RHOBTB1: variants seen among roughly 807,000 people sequenced by gnomAD.
RHOBTB1 encodes the protein rho-related BTB domain-containing protein 1.
In RHOBTB1, 40 loss-of-function variants were observed where a neutral mutation model predicts 71.6. The ratio of observed to expected loss-of-function variants is 0.56; its 90% CI spans 0.43 to 0.73. The LOEUF is 0.73. Ranked by LOEUF, RHOBTB1 falls within the 30% of genes least tolerant of loss-of-function variation. RHOBTB1 has a pLI of 0.00. For missense variants in RHOBTB1, 797 were observed against 894.0 expected (o/e 0.89, Z 1.38); for synonymous variants, 319 against 334.9 (o/e 0.95, Z 0.52).
rs2081122170 is a variant in RHOBTB1, at chr10:60,877,977, C to T, written c.1657G>A (p.Asp553Asn). The T allele has an allele frequency of 1.2e-6, 2 of 1,613,908 alleles. No homozygotes were observed. The highest frequency in any genetic ancestry group is 8.5e-7 in the Non-Finnish European group (1 of 1,179,952). Reference protein sequence around the residue: ...LYTKQLSPNLDLDPLELIALA... With the variant: ...LYTKQLSPNLNLDPLELIALA... ...GCAATTAATTCCAGCGGGTCCAGAT[C>T]CAAGTTAGGAGACAACTGCTTGGTA... Residue 553 changes from aspartate (D) to asparagine (N), a missense_variant, in exon 8 of 11, where the codon GAT (aspartate) becomes AAT (asparagine). By Grantham distance (23) the Asp-to-Asn change is conservative. Around this residue, in one of 2 missense-constraint regions of RHOBTB1, gnomAD observed 658 missense variants for 681.5 expected, o/e 0.97. Coordinates refer to ENST00000337910, the MANE Select transcript of RHOBTB1 (RefSeq NM_014836.5).
chr10:60,911,507 A>C lies in RHOBTB1; in HGVS notation c.36T>G (p.Val12=). The part of the protein sequence containing the change: ...DADMDYERPN[V]ETIKCVVVGD... ...CCACGACCACACATTTGATAGTTTC[A>C]ACGTTGGGTCTTTCGTAGTCCATGT... Residue 12 remains valine (V), a synonymous_variant, in exon 3 of 11, where the codon GTT becomes GTG. Coordinates refer to ENST00000337910, the MANE Select transcript of RHOBTB1 (RefSeq NM_014836.5). 2 of 1,614,178 alleles carry C rather than the reference A, an allele frequency of 1.2e-6. No homozygotes were observed. Among genetic ancestry groups the C allele is most frequent in the Non-Finnish European group, 1.7e-6 (2 of 1,180,036 alleles).
At chr10:60,922,830 C>A (rs1263064192) in intron 2 of RHOBTB1, among the ~76,000 whole-genome samples, 1 of 152,140 alleles carries the variant, frequency 6.6e-6, no homozygotes, top group African/African-American at 2.4e-5. Context: ...TCAACCAGAC[C>A]CTTTCAGTTT....
At chr10:60,960,768 C>A (rs2085752235) in intron 2 of RHOBTB1, among the ~76,000 whole-genome samples, 1 of 152,172 alleles carries the variant, frequency 6.6e-6, no homozygotes, top group Admixed American at 6.5e-5. Context: ...ATGGCCTGCA[C>A]CCTTTGATGT....
intron 2 of RHOBTB1, among the ~76,000 whole-genome samples, chr10:60,967,210 A>T (rs964516419): frequency 3.4e-5 from 5 of 148,474 alleles, no homozygotes; most frequent in African/African-American, 1.2e-4. Context: ...TAAAAAGGAA[A>T]ATTCTCAAAT....
At chr10:60,912,289 A>C (rs1018535522) in intron 2 of RHOBTB1, among the ~76,000 whole-genome samples, 3 of 152,088 alleles carry the variant, frequency 2.0e-5, no homozygotes, top group Non-Finnish European at 4.4e-5. Context: ...GCACAAGCAC[A>C]GTGGTGCAAT....
chr10:60,934,557 C>A (rs2084457838), intron 2 of RHOBTB1, among the ~76,000 whole-genome samples: 1 of 152,180 alleles, frequency 6.6e-6, no homozygotes, highest in South Asian at 2.1e-4. Flanking sequence ...TGGTCTACTT[C>A]AAATAAATAG....
At chr10:60,922,944 T>G (rs1589313270) in intron 2 of RHOBTB1, among the ~76,000 whole-genome samples, 1 of 152,266 alleles carries the variant, frequency 6.6e-6, no homozygotes, top group East Asian at 1.9e-4. Flanking sequence ...ACTTCCATGG[T>G]CACATTCCTC....
At chr10:60,929,066 C>A (rs1464996402) in intron 2 of RHOBTB1, among the ~76,000 whole-genome samples, 1 of 152,068 alleles carries the variant, frequency 6.6e-6, no homozygotes, top group Non-Finnish European at 1.5e-5. Context: ...ACAATCAGAT[C>A]TCCTGAGAAC....
At chr10:60,863,460 G>A in the RHOBTB1 span, among the ~76,000 whole-genome samples, 1 of 151,822 alleles carries the variant, frequency 6.6e-6, no homozygotes, top group African/African-American at 2.4e-5. Flanking sequence ...CCATCAAATA[G>A]TCTAGGTTGT....
intron 9 of RHOBTB1, 56 bp downstream of exon 9, chr10:60,874,898 G>A (rs570665800): frequency 8.6e-6 from 10 of 1,164,478 alleles, no homozygotes; most frequent in African/African-American, 6.0e-5. Context: ...TGTTTTATCA[G>A]CATTAAATGA....
chr10:60,978,049 T>C (rs543301289), intron 2 of RHOBTB1, among the ~76,000 whole-genome samples: 3 of 152,266 alleles, frequency 2.0e-5, no homozygotes, highest in African/African-American at 7.2e-5. Flanking sequence ...GAAAAATGTA[T>C]AAAATTATTG....
chr10:60,960,207 A>T (rs904678973), intron 2 of RHOBTB1, among the ~76,000 whole-genome samples: 8 of 152,210 alleles, frequency 5.3e-5, no homozygotes, highest in Admixed American at 4.6e-4. Context: ...TGTGCAAAAA[A>T]CTATGATGAC....
intron 4 of RHOBTB1, among the ~76,000 whole-genome samples, chr10:60,910,417 C>A (rs187769751): frequency 3.2e-4 from 48 of 152,156 alleles, no homozygotes; most frequent in African/African-American, 1.1e-3. Context: ...TAAAAATGAC[C>A]TTCTAATAAA....
chr10:60,984,628 C>G (rs1171995879), intron 2 of RHOBTB1, among the ~76,000 whole-genome samples: 1 of 151,960 alleles, frequency 6.6e-6, no homozygotes, highest in Admixed American at 6.6e-5. Flanking sequence ...GCACAAATAC[C>G]CATATGAGAG....
intron 2 of RHOBTB1, among the ~76,000 whole-genome samples, chr10:60,960,740 C>T (rs978362685): frequency 1.3e-5 from 2 of 152,296 alleles, no homozygotes; most frequent in African/African-American, 2.4e-5. Context: ...TCTTGGGCTG[C>T]CCTGGCAGCT....
intron 2 of RHOBTB1, among the ~76,000 whole-genome samples, chr10:60,958,422 A>T (rs981611557): frequency 6.6e-6 from 1 of 152,076 alleles, no homozygotes; most frequent in Non-Finnish European, 1.5e-5. Flanking sequence ...AGAAGTTAAA[A>T]TTTTACTTTT....
chr10:60,911,610 A>G, intron 2 of RHOBTB1, 58 bp from the exon 3 acceptor site: 1 of 1,402,536 alleles, frequency 7.1e-7, no homozygotes, highest in Non-Finnish European at 1.0e-6. Context: ...GAGCAATCAA[A>G]GACGTAAGAG....
chr10:60,919,312 A>G (rs1466351093), intron 2 of RHOBTB1, among the ~76,000 whole-genome samples: 1 of 146,560 alleles, frequency 6.8e-6, no homozygotes, highest in Non-Finnish European at 1.5e-5. Flanking sequence ...TAAAAAACTG[A>G]CAATTTTATA....
At chr10:60,906,120 G>C (rs770470856) in intron 4 of RHOBTB1, among the ~76,000 whole-genome samples, 1 of 152,064 alleles carries the variant, frequency 6.6e-6, no homozygotes, top group African/African-American at 2.4e-5. Flanking sequence ...ATAATAAATG[G>C]GTTCTAACTG....
Sources: allele counts gnomAD v4.1 joint callset (sites outside exome capture counted in the v4.1 genomes callset), GRCh38; gene constraint gnomAD v4.1.1; regional missense constraint gnomAD v4.1.1; transcripts MANE v1.5; gene names NCBI Gene and HGNC (gene_info 2026-07-23, HGNC 2026-07-21).